MTUS2: variants seen among roughly 807,000 people sequenced by gnomAD.
The protein encoded by MTUS2 is microtubule-associated tumor suppressor candidate 2.
In MTUS2, 40 loss-of-function variants were observed where a neutral mutation model predicts 114.1. The observed-to-expected ratio is 0.35, with a 90% CI of 0.27 to 0.46. MTUS2 has a LOEUF of 0.46. Among genes scored for constraint, MTUS2 ranks in the 20% least tolerant of loss-of-function variants. The pLI, the probability that MTUS2 is intolerant of heterozygous loss-of-function variation, is 1.00. For missense variants in MTUS2, 1,679 were observed against 1,705.4 expected (o/e 0.98, Z 0.27); for synonymous variants, 688 against 672.0 (o/e 1.02, Z -0.37).
chr13:28,917,414 C>T (rs1422026206), intron 2 of MTUS2, among the ~76,000 whole-genome samples: 2 of 151,610 alleles, frequency 1.3e-5, no homozygotes, highest in Non-Finnish European at 3.0e-5. Context: ...TACTGGGGGA[C>T]TTTATTGCAG....
intron 4 of MTUS2, among the ~76,000 whole-genome samples, chr13:29,050,895 G>A (rs1887864263): frequency 6.6e-6 from 1 of 152,162 alleles, no homozygotes; most frequent in African/African-American, 2.4e-5. Flanking sequence ...CAGAGAACAG[G>A]AATAAAGCCA....
At chr13:29,229,373 C>T (rs2139353593) in intron 5 of MTUS2, among the ~76,000 whole-genome samples, 1 of 152,120 alleles carries the variant, frequency 6.6e-6, no homozygotes, top group East Asian at 1.9e-4. Context: ...CTTCTTAATC[C>T]ACTTTATCAT....
At chr13:29,393,728 T>C (rs1873690873) in intron 8 of MTUS2, among the ~76,000 whole-genome samples, 1 of 152,190 alleles carries the variant, frequency 6.6e-6, no homozygotes, top group African/African-American at 2.4e-5. Flanking sequence ...CCTGACGACA[T>C]GTGCCCAAGA....
chr13:29,199,390 T>G (rs907869414), intron 5 of MTUS2, among the ~76,000 whole-genome samples: 22 of 152,254 alleles, frequency 1.4e-4, no homozygotes, highest in African/African-American at 5.3e-4. Context: ...TTGAGAGTTT[T>G]TAGCATGAAG....
intron 5 of MTUS2, among the ~76,000 whole-genome samples, chr13:29,106,375 A>AT (rs1370012486): frequency 4.6e-5 from 7 of 152,018 alleles, no homozygotes; most frequent in Admixed American, 4.6e-4. Flanking sequence ...ATGCCTGCTG[A>AT]TTTTTTGGAG....
At chr13:29,327,393 C>T (rs1168971472) in intron 7 of MTUS2, among the ~76,000 whole-genome samples, 1 of 152,106 alleles carries the variant, frequency 6.6e-6, no homozygotes, top group Non-Finnish European at 1.5e-5. Flanking sequence ...ATACCACCTG[C>T]CTACCATTCT....
Position 28,841,773 on chromosome 13 carries a change from G to A in MTUS2, c.-243+1923G>A, listed in dbSNP as rs373303380. 1.1e-4 allele frequency among the ~76,000 whole-genome samples: 16 copies of A among 151,646 alleles called. No homozygotes were observed. The East Asian group carries it at 2.5e-3, about 24-fold the overall frequency. Reference sequence around the variant, plus strand: ...GTGATCTCCGCTCACTGCAACCTCCGCCTCCCAGGTTCAAGCGATTCTCCT... The same window carrying A: ...GTGATCTCCGCTCACTGCAACCTCCACCTCCCAGGTTCAAGCGATTCTCCT... On this transcript the variant is annotated intron_variant, in intron 2 of 15. Transcript: ENST00000612955.
intron 8 of MTUS2, among the ~76,000 whole-genome samples, chr13:29,378,428 T>G (rs1871926150): frequency 6.6e-6 from 1 of 152,124 alleles, no homozygotes; most frequent in South Asian, 2.1e-4. Context: ...GGGAACTGAT[T>G]GTGTCTGTAG....
intron 2 of MTUS2, among the ~76,000 whole-genome samples, chr13:29,007,708 A>G (rs778127094): frequency 2.6e-5 from 4 of 152,162 alleles, no homozygotes; most frequent in Non-Finnish European, 5.9e-5. Context: ...TGAATAGTAA[A>G]CATATTTTTT....
At chr13:29,038,821 C>T (rs891156900) in intron 4 of MTUS2, among the ~76,000 whole-genome samples, 1 of 152,216 alleles carries the variant, frequency 6.6e-6, no homozygotes, top group Admixed American at 6.5e-5. Flanking sequence ...CTCGAACTTT[C>T]TGGTGGCTTT....
chr13:29,219,008 C>T (rs1895796339), intron 5 of MTUS2, among the ~76,000 whole-genome samples: 2 of 147,830 alleles, frequency 1.4e-5, no homozygotes, highest in Admixed American at 6.8e-5. Context: ...TTTTAGGGTA[C>T]ATGTGCACAT....
intron 2 of MTUS2, among the ~76,000 whole-genome samples, chr13:28,853,336 T>C (rs893582105): frequency 1.1e-4 from 16 of 152,278 alleles, no homozygotes; most frequent in African/African-American, 3.9e-4. Flanking sequence ...TTGTTCTCCA[T>C]GTTCCTACTG....
At chr13:29,181,612 A>G (rs1593568786) in intron 5 of MTUS2, among the ~76,000 whole-genome samples, 1 of 152,242 alleles carries the variant, frequency 6.6e-6, no homozygotes, top group East Asian at 1.9e-4. Flanking sequence ...GATTTGTTTA[A>G]TATATATGAT....
chr13:29,448,698 T>C (rs1371682057), intron 9 of MTUS2, among the ~76,000 whole-genome samples: 1 of 151,864 alleles, frequency 6.6e-6, no homozygotes, highest in African/African-American at 2.4e-5. Context: ...TTTTTTATGT[T>C]TTCTGAACAC....
chr13:29,307,563 A>T, intron 6 of MTUS2: 1 of 1,243,904 alleles, frequency 8.0e-7, no homozygotes. Flanking sequence ...AGAAGGTGGT[A>T]AAGCAGGTGT....
At chr13:29,142,446 A>G (rs753051459) in intron 5 of MTUS2, among the ~76,000 whole-genome samples, 27 of 152,120 alleles carry the variant, frequency 1.8e-4, no homozygotes, top group African/African-American at 6.3e-4. Context: ...GCTCACGCCT[A>G]TAATCCCAGA....
At position 29,016,823 on chromosome 13, in the gene MTUS2, GT is replaced by G. The variant is rs1402543576; in HGVS notation, c.-242-7633del. Among the ~76,000 whole-genome samples, 3 of 152,196 alleles carry G rather than the reference GT, an allele frequency of 2.0e-5. No homozygotes were observed. In the East Asian group the frequency reaches 5.8e-4, roughly 29 times the overall value. On this transcript the variant is annotated intron_variant, in intron 2 of 15. Coordinates refer to ENST00000612955, the MANE Select transcript of MTUS2 (RefSeq NM_001033602.4). Reference sequence around the variant, plus strand: ...AGAGAGCTATTATATTTTGTGTTATGTGACACCATACATAGCTGCAGAGTCC... The same window carrying G: ...AGAGAGCTATTATATTTTGTGTTATGGACACCATACATAGCTGCAGAGTCC...
At chr13:29,259,450 A>T (rs1362528758) in intron 5 of MTUS2, among the ~76,000 whole-genome samples, 1 of 152,214 alleles carries the variant, frequency 6.6e-6, no homozygotes, top group Admixed American at 6.5e-5. Context: ...CCTGCTTAAG[A>T]CTTCGTGTTG....
At chr13:29,299,403 C>T (rs996076156) in intron 6 of MTUS2, among the ~76,000 whole-genome samples, 9 of 152,172 alleles carry the variant, frequency 5.9e-5, no homozygotes, top group Non-Finnish European at 1.0e-4. Context: ...TCAAGCTGAA[C>T]GCTTTGTTAG....
Sources: allele counts gnomAD v4.1 joint callset (sites outside exome capture counted in the v4.1 genomes callset), GRCh38; gene constraint gnomAD v4.1.1; transcripts MANE v1.5; gene names NCBI Gene and HGNC (gene_info 2026-07-23, HGNC 2026-07-21).